The following COL13A1 variants were observed in gnomAD, a reference collection of about 807,000 sequenced individuals.
COL13A1 encodes collagen alpha-1(XIII) chain.
COL13A1 carries 89 observed loss-of-function variants against 130.9 expected under a neutral mutation model. The ratio of observed to expected loss-of-function variants is 0.68; its 90% confidence interval spans 0.57 to 0.81. COL13A1 has a LOEUF of 0.81. Ranked by LOEUF, COL13A1 falls within the 30% of genes least tolerant of loss-of-function variation. COL13A1 has a pLI of 0.00. For synonymous variants in COL13A1, 402 were observed against 341.6 expected (o/e 1.18, Z -1.95); for missense variants, 879 against 934.6 (o/e 0.94, Z 0.78).
Position 69,889,467 on chromosome 10 carries a change from C to G in COL13A1, c.603+27C>G, listed in dbSNP as rs764060341. 1.7e-5 allele frequency: 28 copies of G among 1,608,588 alleles called. 1 individual carries two copies. In the South Asian group the frequency reaches 3.1e-4, roughly 18 times the overall value. On this transcript the variant is annotated intron_variant, in intron 10 of 40. Transcript: ENST00000645393. ...TAAGAGCCCAGCTTTCCTGCCTTCCCGAGATGGGTGGGGGTTGGCCCAGCC... is the reference window on the plus strand; with the variant it reads ...TAAGAGCCCAGCTTTCCTGCCTTCCGGAGATGGGTGGGGGTTGGCCCAGCC...
At chr10:69,874,986 T>C in intron 4 of COL13A1, 142 bp from the exon 5 acceptor site, 1 of 889,708 alleles carries the variant, frequency 1.1e-6, no homozygotes, top group South Asian at 1.5e-5. Context: ...TACATGATGC[T>C]TGGGCATCAT....
chr10:69,810,376 G>GAGAGAGAGAGAGAGAGACAGAGAC (rs1230051691), intron 1 of COL13A1, among the ~76,000 whole-genome samples: 9 of 133,918 alleles, frequency 6.7e-5, no homozygotes, highest in South Asian at 2.3e-4. Context: ...GAGAGAGAGA[G>GAGAGAGAGAGAGAGAGACAGAGAC]AGAGACAGAG....
At chr10:69,909,810 G>T (rs372100605) in intron 17 of COL13A1, among the ~76,000 whole-genome samples, 8 of 152,236 alleles carry the variant, frequency 5.3e-5, no homozygotes, top group African/African-American at 1.9e-4. Context: ...TTTGGGCAGT[G>T]CAGCAATATT....
chr10:69,885,570 T>C (rs756803338), intron 7 of COL13A1, among the ~76,000 whole-genome samples: 1 of 152,180 alleles, frequency 6.6e-6, no homozygotes, highest in Non-Finnish European at 1.5e-5. Context: ...TTGATCCTGG[T>C]TGGAGACATT....
intron 22 of COL13A1, 92 bp downstream of exon 22, chr10:69,922,027 G>A (rs1234198151): frequency 1.4e-5 from 20 of 1,440,420 alleles, no homozygotes; most frequent in African/African-American, 1.4e-5. Flanking sequence ...AGCATTGGAC[G>A]TGTCTGTCTC....
At chr10:69,898,960 A>G (rs921439180) in intron 14 of COL13A1, among the ~76,000 whole-genome samples, 198 bp downstream of exon 14, 1 of 152,192 alleles carries the variant, frequency 6.6e-6, no homozygotes, top group African/African-American at 2.4e-5. Flanking sequence ...CCACACAATG[A>G]TTACTCAAAA....
At chr10:69,925,436 T>C (rs1819080504) in intron 25 of COL13A1, among the ~76,000 whole-genome samples, 1 of 152,248 alleles carries the variant, frequency 6.6e-6, no homozygotes, top group African/African-American at 2.4e-5. Context: ...ACTTTTTTTC[T>C]TTTGGCAGAG....
chr10:69,881,776 A>G (rs755215603), intron 7 of COL13A1, among the ~76,000 whole-genome samples: 1 of 152,254 alleles, frequency 6.6e-6, no homozygotes, highest in South Asian at 2.1e-4. Context: ...ACACGTATTC[A>G]CTCACTTAAT....
intron 26 of COL13A1, 199 bp downstream of exon 26, chr10:69,926,071 C>T (rs1237596604): frequency 1.1e-5 from 6 of 553,442 alleles, no homozygotes; most frequent in Non-Finnish European, 1.9e-5. Flanking sequence ...GGCCCCATTA[C>T]TGGCATCCAG....
chr10:69,808,663 C>T (rs1441134292), intron 1 of COL13A1, among the ~76,000 whole-genome samples: 1 of 152,216 alleles, frequency 6.6e-6, no homozygotes, highest in African/African-American at 2.4e-5. Context: ...AACGGTCTCT[C>T]CATGTGACCA....
At chr10:69,876,232 T>A (rs941155187) in intron 5 of COL13A1, among the ~76,000 whole-genome samples, 1 of 152,222 alleles carries the variant, frequency 6.6e-6, no homozygotes, top group Admixed American at 6.5e-5. Context: ...AGAAGCTAAC[T>A]GTCCTTCCCA....
intron 17 of COL13A1, among the ~76,000 whole-genome samples, chr10:69,913,823 G>C (rs143640490): frequency 2.6e-3 from 391 of 152,132 alleles, no homozygotes; most frequent in Non-Finnish European, 4.6e-3. Context: ...GGTCAGCTGG[G>C]GGAGGCCAGT....
chr10:69,931,418 C>T (rs1277611451), intron 30 of COL13A1, among the ~76,000 whole-genome samples: 4 of 152,222 alleles, frequency 2.6e-5, no homozygotes, highest in Non-Finnish European at 4.4e-5. Context: ...GTCCTCTTAA[C>T]AAGCAGCTAC....
intron 2 of COL13A1, among the ~76,000 whole-genome samples, chr10:69,842,595 G>A (rs1397111875): frequency 1.3e-5 from 2 of 152,120 alleles, no homozygotes; most frequent in South Asian, 2.1e-4. Context: ...CCACCCAAAC[G>A]CAGGGGCTGG....
intron 1 of COL13A1, among the ~76,000 whole-genome samples, chr10:69,821,261 A>G (rs1846001141): frequency 6.6e-6 from 1 of 152,236 alleles, no homozygotes; most frequent in South Asian, 2.1e-4. Context: ...AATGATTTAA[A>G]GCTCACTGTG....
At chr10:69,935,173 T>TA (rs1208433213) in intron 31 of COL13A1, among the ~76,000 whole-genome samples, 177 bp from the exon 32 acceptor site, 1 of 152,176 alleles carries the variant, frequency 6.6e-6, no homozygotes, top group Non-Finnish European at 1.5e-5. Flanking sequence ...ACCGGGTTGC[T>TA]ATGAGTTTTT....
chr10:69,887,553 A>T lies in COL13A1; in HGVS notation c.549+62A>T. ...TGGTCTGTAGGCCTGATTGGGTTAA[A>T]CTTCATCTGAGGTCAGCCCCGGTTC... is the stretch of plus-strand genomic sequence containing the variant. On this transcript the variant is annotated intron_variant, in intron 8 of 40. Transcript: ENST00000645393. 4.5e-6 allele frequency: 7 copies of T among 1,559,368 alleles called. No individual in the cohort carries two copies. In the Admixed American group the frequency reaches 5.3e-5, roughly 12 times the overall value.
chr10:69,863,473 A>G (rs1858810073), intron 2 of COL13A1, among the ~76,000 whole-genome samples: 1 of 152,154 alleles, frequency 6.6e-6, no homozygotes, highest in South Asian at 2.1e-4. Context: ...GGTGGGGGCT[A>G]GGACCCCAGC....
At chr10:69,839,845 T>C (rs60524063) in intron 2 of COL13A1, among the ~76,000 whole-genome samples, 22,490 of 152,136 alleles carry the variant, frequency 0.15, 1,720 homozygotes, top group Non-Finnish European at 0.16. Flanking sequence ...GCGCCTCGTG[T>C]GACTCTGGCC....
Sources: allele counts gnomAD v4.1 joint callset (sites outside exome capture counted in the v4.1 genomes callset), GRCh38; gene constraint gnomAD v4.1.1; transcripts MANE v1.5; gene names NCBI Gene and HGNC (gene_info 2026-07-23, HGNC 2026-07-21).